The following S100B variants were observed in gnomAD, a reference collection of about 807,000 sequenced individuals.
S100B encodes protein S100-B.
S100B carries 6 observed loss-of-function variants against 7.7 expected under a neutral mutation model. That is an observed-to-expected ratio of 0.78 (90% CI 0.43 to 1.54). The LOEUF (loss-of-function observed/expected upper bound fraction) is 1.54. Ranked by LOEUF, S100B falls within the 40% of genes most tolerant of loss-of-function variation. S100B has a pLI of 0.01. For missense variants in S100B, 99 were observed against 111.8 expected (o/e 0.89, Z 0.52); for synonymous variants, 36 against 40.4 (o/e 0.89, Z 0.41).
chr21:46,599,643 T>A, intron 2 of S100B, 140 bp from the exon 3 acceptor site: 1 of 797,428 alleles, frequency 1.3e-6, no homozygotes. Flanking sequence ...TCAGAAAAGA[T>A]GTCTCATGTG....
intron 2 of S100B, chr21:46,600,270 G>A (rs373223710): frequency 1.2e-4 from 44 of 362,314 alleles, no homozygotes; most frequent in African/African-American, 8.3e-4. Context: ...GGTCAGGCAC[G>A]GTGGCTCACA....
chr21:46,599,876 G>A (rs1235494928), intron 2 of S100B, among the ~76,000 whole-genome samples: 1 of 152,186 alleles, frequency 6.6e-6, no homozygotes, highest in African/African-American at 2.4e-5. Flanking sequence ...TCTGTGTGTG[G>A]AAGTCCCTGT....
rs2061033735 is a variant in S100B at position 46,598,958 on chromosome 21, A to G, written c.*405T>C. The G allele has an allele frequency of 5.5e-6, 1 of 180,246 alleles. No individual in the cohort carries two copies. The highest frequency in any genetic ancestry group is 1.1e-5 in the Non-Finnish European group (1 of 87,770). The allele number at this position is 180,246 out of a possible 1,614,324, so 11.2% of individuals were successfully genotyped here. A position where few individuals can be genotyped will look rare whatever the true frequency, so the allele number is the denominator to read the frequency against. On this transcript the variant is annotated 3_prime_UTR_variant, in exon 3 of 3. Transcript: ENST00000291700. Reference sequence around the variant, plus strand: ...ATTTAAAGAACAGCAGTGTTTTCAAATAATGCTGGATAAGGCTTTGTTTTT... The same window carrying G: ...ATTTAAAGAACAGCAGTGTTTTCAAGTAATGCTGGATAAGGCTTTGTTTTT...
Position 46,599,145 on chromosome 21 carries a change from G to C in S100B, c.*218C>G. ...TAACAAGAGTCCCTGGGGCCAGTCA[G>C]CTTACACACAGGCCTAATATAGCAG... On this transcript the variant is annotated 3_prime_UTR_variant, in exon 3 of 3. Coordinates refer to ENST00000291700, the MANE Select transcript of S100B (RefSeq NM_006272.3). 1 of 568,604 alleles carries C rather than the reference G, an allele frequency of 1.8e-6. No homozygotes were observed. The highest frequency in any genetic ancestry group is 1.9e-5 in the African/African-American group (1 of 53,282). 35.2% of individuals were successfully genotyped at this position (568,604 alleles called of 1,614,324 possible).
intron 1 of S100B, 77 bp from the exon 2 acceptor site, chr21:46,602,493 CT>C: frequency 6.9e-7 from 1 of 1,449,886 alleles, no homozygotes; most frequent in South Asian, 1.3e-5. Context: ...CAATACAGAC[CT>C]CAACCCAGAC....
intron 2 of S100B, among the ~76,000 whole-genome samples, chr21:46,601,643 G>A (rs1474226717): frequency 2.6e-5 from 4 of 152,186 alleles, no homozygotes; most frequent in Non-Finnish European, 4.4e-5. Flanking sequence ...TAAAGTAGGG[G>A]CCCCAACTAA....
chr21:46,599,206 A>AAGAGGTTTTCAATTTTTC lies in S100B; in HGVS notation c.*139_*156dup. 1 of 700,274 alleles carries AAGAGGTTTTCAATTTTTC rather than the reference A, an allele frequency of 1.4e-6. No homozygotes were observed. Among genetic ancestry groups the AAGAGGTTTTCAATTTTTC allele is most frequent in the South Asian group, 1.8e-5 (1 of 55,118 alleles). 43.4% of individuals were successfully genotyped at this position (700,274 alleles called of 1,614,324 possible). On this transcript the variant is annotated 3_prime_UTR_variant, in exon 3 of 3. Coordinates refer to ENST00000291700, the MANE Select transcript of S100B (RefSeq NM_006272.3). ...GCAGGCCGTTAAAACAGCCTTTGGA[A>AAGAGGTTTTCAATTTTTC]AGAGGTTTTCAATTTTTCAATCACA...
At chr21:46,600,388 A>G (rs1455629401) in intron 2 of S100B, 2 of 444,342 alleles carry the variant, frequency 4.5e-6, no homozygotes, top group Non-Finnish European at 9.0e-6. Context: ...ACAAAGAAAA[A>G]ATAAAACAAT....
Position 46,602,293 on chromosome 21 carries a change from A to C in S100B, c.123T>G (p.Leu41=). The C allele has an allele frequency of 6.2e-7, 1 of 1,613,140 alleles. No homozygotes were observed. The highest frequency in any genetic ancestry group is 8.5e-7 in the Non-Finnish European group (1 of 1,179,514). Residue 41 remains leucine, a synonymous_variant, in exon 2 of 3, where the codon CTT becomes CTG. Transcript: ENST00000291700. ...SELKELINNE[L]SHFLEEIKEQ... The stretch of plus-strand genomic sequence containing the variant: ...CAAGACTCACCTCTAAGAAATGGGA[A>C]AGCTCATTGTTGATGAGCTCCTTCA...
chr21:46,603,398 T>TGGGGGGGGAGGGGGGGGG, intron 1 of S100B, among the ~76,000 whole-genome samples: 6 of 52,122 alleles, frequency 1.2e-4, no homozygotes, highest in Non-Finnish European at 1.9e-4. Flanking sequence ...CGGGAGGGGG[T>TGGGGGGGGAGGGGGGGGG]GGGGGCAGGA....
chr21:46,602,229 A>T, intron 2 of S100B, 49 bp downstream of exon 2: 4 of 1,550,322 alleles, frequency 2.6e-6, no homozygotes, highest in Non-Finnish European at 3.5e-6. Flanking sequence ...GTACAGATGG[A>T]TTTTAAGAGG....
chr21:46,603,398 T>TGGGGGGTGGGGGGGGCGGGGGGGGGC, intron 1 of S100B, among the ~76,000 whole-genome samples: 26 of 52,126 alleles, frequency 5.0e-4, no homozygotes, highest in Admixed American at 1.8e-3. Context: ...CGGGAGGGGG[T>TGGGGGGTGGGGGGGGCGGGGGGGGGC]GGGGGCAGGA....
At chr21:46,599,633 T>C (rs997955830) in intron 2 of S100B, 130 bp from the exon 3 acceptor site, 2 of 842,158 alleles carry the variant, frequency 2.4e-6, no homozygotes, top group Admixed American at 2.0e-5. Flanking sequence ...ATGCAAAATA[T>C]CAGAAAAGAT....
intron 1 of S100B, among the ~76,000 whole-genome samples, chr21:46,603,385 C>CGGCAGGAGGGGGG (rs1222582153): frequency 7.4e-4 from 1 of 1,344 alleles, no homozygotes; most frequent in Non-Finnish European, 2.2e-3. Context: ...GTGACTGGGA[C>CGGCAGGAGGGGGG]GGCGGGAGGG....
chr21:46,599,110 A>G lies in S100B; in HGVS notation c.*253T>C, dbSNP rs1304537892. 7.9e-6 allele frequency: 4 copies of G among 509,478 alleles called. No homozygotes were observed. Among genetic ancestry groups the G allele is most frequent in the Non-Finnish European group, 1.4e-5 (4 of 290,162 alleles). The allele number at this position is 509,478 out of a possible 1,614,324, so 31.6% of individuals were successfully genotyped here. A position where few individuals can be genotyped will look rare whatever the true frequency, so the allele number is the denominator to read the frequency against. On this transcript the variant is annotated 3_prime_UTR_variant, in exon 3 of 3. Transcript: ENST00000291700. ...GCTTTATCACTGAGACCTGACTCCT[A>G]AGTTACTGTTAACAAGAGTCCCTGG...
chr21:46,602,427 G>A lies in S100B; in HGVS notation c.-1-11C>T, dbSNP rs185912351. 3.4e-5 allele frequency: 54 copies of A among 1,609,160 alleles called. 2 individuals carry two copies. Among genetic ancestry groups the A allele is most frequent in the Admixed American group, 2.4e-4 (14 of 58,620 alleles). ...TCCAGCTCAGACATCCTAGGGGCTC[G>A]CAAAGGAAAGTTGCCTTCTCATCTA... On this transcript the variant is annotated splice_polypyrimidine_tract_variant and intron_variant, in intron 1 of 2. Coordinates refer to ENST00000291700, the MANE Select transcript of S100B (RefSeq NM_006272.3).
Sources: allele counts gnomAD v4.1 joint callset (sites outside exome capture counted in the v4.1 genomes callset), GRCh38; gene constraint gnomAD v4.1.1; transcripts MANE v1.5; gene names NCBI Gene and HGNC (gene_info 2026-07-23, HGNC 2026-07-21).